The following SPACA1 variants were observed in gnomAD, a reference collection of about 807,000 sequenced individuals.
The protein encoded by SPACA1 is sperm acrosome associated 1, also known as sperm acrosome membrane-associated protein 1.
Under a neutral mutation model 32.6 loss-of-function variants are expected in SPACA1, and 17 were observed. That is an observed-to-expected ratio of 0.52 (90% CI 0.36 to 0.78). SPACA1 has a LOEUF of 0.78. SPACA1 is among the 30% of genes least tolerant of loss of function. The pLI is 0.01. For missense variants in SPACA1, 363 were observed against 373.4 expected (o/e 0.97, Z 0.23); for synonymous variants, 140 against 138.1 (o/e 1.01, Z -0.10).
chr6:88,054,614 T>A (rs1386662863), intron 2 of SPACA1, among the ~76,000 whole-genome samples: 9 of 152,124 alleles, frequency 5.9e-5, no homozygotes, highest in Non-Finnish European at 1.2e-4. Flanking sequence ...AGACCATAGA[T>A]AATTCACAAT....
chr6:88,049,234 TAATTG>T (rs1775693351), intron 1 of SPACA1, among the ~76,000 whole-genome samples: 1 of 152,360 alleles, frequency 6.6e-6, no homozygotes, highest in East Asian at 1.9e-4. Context: ...TTCTTTAAAG[TAATTG>T]AATTAACAAT....
At chr6:88,065,410 ATATAC>A (rs72379388) in intron 6 of SPACA1, among the ~76,000 whole-genome samples, 2,676 of 148,008 alleles carry the variant, frequency 0.018, 154 homozygotes, top group Admixed American at 0.13. Flanking sequence ...TATACAGTAT[ATATAC>A]TATATTTACA....
chr6:88,060,723 AT>A (rs1447465630), intron 5 of SPACA1, among the ~76,000 whole-genome samples: 5 of 152,204 alleles, frequency 3.3e-5, no homozygotes, highest in African/African-American at 1.2e-4. Flanking sequence ...AAACTAAAAA[AT>A]ATCTCAACTA....
chr6:88,054,085 A>T, intron 2 of SPACA1, 83 bp downstream of exon 2: 1 of 1,224,930 alleles, frequency 8.2e-7, no homozygotes, highest in Non-Finnish European at 1.2e-6. Flanking sequence ...GCAACTTTGT[A>T]ACTTGTGTAC....
chr6:88,048,640 TGTG>T (rs1775682663), intron 1 of SPACA1, among the ~76,000 whole-genome samples: 1 of 152,136 alleles, frequency 6.6e-6, no homozygotes, highest in African/African-American at 2.4e-5. Flanking sequence ...ACCTCTGCAT[TGTG>T]GTGTTTGATT....
upstream of SPACA1, among the ~76,000 whole-genome samples, chr6:88,047,534 G>A (rs139966171): frequency 6.6e-6 from 1 of 152,328 alleles, no homozygotes; most frequent in East Asian, 1.9e-4. Context: ...TGAGCGAGGA[G>A]GCTGAAGAGT....
At chr6:88,062,275 T>C (rs1296300467) in intron 5 of SPACA1, among the ~76,000 whole-genome samples, 1 of 152,194 alleles carries the variant, frequency 6.6e-6, no homozygotes, top group African/African-American at 2.4e-5. Context: ...AAATAAGCAG[T>C]TGAGATTGCT....
intron 2 of SPACA1, among the ~76,000 whole-genome samples, chr6:88,056,129 G>T (rs979737973): frequency 6.6e-6 from 1 of 152,222 alleles, no homozygotes; most frequent in Non-Finnish European, 1.5e-5. Context: ...GCTGAGGCTG[G>T]CGGATCACCA....
intron 6 of SPACA1, among the ~76,000 whole-genome samples, chr6:88,065,383 A>G (rs1243926580): frequency 1.4e-5 from 2 of 147,970 alleles, no homozygotes; most frequent in South Asian, 2.1e-4. Context: ...ATATATACAT[A>G]TAGTACATAT....
chr6:88,054,664 A>G (rs1371742185), intron 2 of SPACA1, among the ~76,000 whole-genome samples: 1 of 152,186 alleles, frequency 6.6e-6, no homozygotes, highest in Non-Finnish European at 1.5e-5. Flanking sequence ...CCTTGGAAAG[A>G]AAATAGTGAT....
chr6:88,049,638 A>G (rs1178369664), intron 1 of SPACA1, among the ~76,000 whole-genome samples: 1 of 152,160 alleles, frequency 6.6e-6, no homozygotes, highest in Non-Finnish European at 1.5e-5. Context: ...TAGTCATTTA[A>G]AAATAATTTA....
chr6:88,061,483 C>T (rs769274522), intron 5 of SPACA1, among the ~76,000 whole-genome samples: 2 of 151,588 alleles, frequency 1.3e-5, no homozygotes, highest in South Asian at 2.1e-4. Flanking sequence ...AAGTGGGGCG[C>T]GGAATGCCAG....
chr6:88,054,752 G>A (rs903282049), intron 2 of SPACA1, among the ~76,000 whole-genome samples: 44 of 152,236 alleles, frequency 2.9e-4, no homozygotes, highest in African/African-American at 1.0e-3. Flanking sequence ...AATTTTGCAG[G>A]GGTGGCGGTG....
Position 88,049,929 on chromosome 6 carries a change from A to G in SPACA1, c.208+1816A>G, listed in dbSNP as rs1775704077. Among the ~76,000 whole-genome samples, 3 of 152,284 alleles carry G rather than the reference A, an allele frequency of 2.0e-5. No individual in the cohort carries two copies. The East Asian group carries it at 5.8e-4, about 29-fold the overall frequency. On this transcript the variant is annotated intron_variant, in intron 1 of 6. Coordinates refer to ENST00000237201, the MANE Select transcript of SPACA1 (RefSeq NM_030960.3). ...TTTTTGCACTTGTATTGTCAAAAAA[A>G]CCAACACTTTTGAAAACTACAAAGG...
intron 3 of SPACA1, among the ~76,000 whole-genome samples, chr6:88,058,182 G>A (rs184523258): frequency 3.3e-5 from 5 of 152,292 alleles, no homozygotes; most frequent in East Asian, 1.9e-4. Context: ...CAGATCAGTA[G>A]GTCAATTACA....
In SPACA1 at chr6:88,059,585, A is replaced by C. The variant is rs1359764223; in HGVS notation, c.607A>C (p.Ser203Arg). 2 of 1,609,846 alleles carry C rather than the reference A, an allele frequency of 1.2e-6. No homozygotes were observed. Among genetic ancestry groups the C allele is most frequent in the Non-Finnish European group, 1.7e-6 (2 of 1,178,384 alleles). ...ATIKFTVYTSSELQMRRSSLP... is the reference protein window; with the variant it reads ...ATIKFTVYTSRELQMRRSSLP... The stretch of plus-strand genomic sequence containing the variant: ...TATTAAATTCACAGTCTATACGAGC[A>C]GTGGTAAGTGTCCAGCAATGTCTTG... The change falls in exon 5 of 7, where the codon AGT becomes CGT. Residue 203 changes from serine to arginine, a missense_variant. Transcript: ENST00000237201.
chr6:88,060,874 A>G (rs1353093007), intron 5 of SPACA1, among the ~76,000 whole-genome samples: 1 of 152,338 alleles, frequency 6.6e-6, no homozygotes, highest in East Asian at 1.9e-4. Context: ...TATATGTTAA[A>G]GGCTGGAGCA....
At chr6:88,064,020 CA>C in intron 5 of SPACA1, 78 bp from the exon 6 acceptor site, 1 of 1,481,552 alleles carries the variant, frequency 6.7e-7, no homozygotes, top group Non-Finnish European at 9.0e-7. Context: ...AGTTGTTTTT[CA>C]AATATAAACT....
intron 1 of SPACA1, among the ~76,000 whole-genome samples, chr6:88,051,309 C>G (rs1775725261): frequency 6.6e-6 from 1 of 152,108 alleles, no homozygotes; most frequent in African/African-American, 2.4e-5. Flanking sequence ...AAGTTGTAGT[C>G]TATACAATGG....
Sources: allele counts gnomAD v4.1 joint callset (sites outside exome capture counted in the v4.1 genomes callset), GRCh38; gene constraint gnomAD v4.1.1; transcripts MANE v1.5; gene names NCBI Gene and HGNC (gene_info 2026-07-23, HGNC 2026-07-21).